Variants in EPB41L4A observed in about 807,000 individuals in gnomAD.
EPB41L4A encodes the protein erythrocyte membrane protein band 4.1 like 4A, also known as band 4.1-like protein 4A.
EPB41L4A carries 100 observed loss-of-function variants against 108.6 expected under a neutral mutation model. That is an observed-to-expected ratio of 0.92 (90% confidence interval 0.78 to 1.09). EPB41L4A has a LOEUF of 1.09. Ranked by LOEUF, EPB41L4A falls within the 50% of genes least tolerant of loss-of-function variation. The pLI, the probability that EPB41L4A is intolerant of heterozygous loss-of-function variation, is 0.00. For missense variants in EPB41L4A, 1,030 were observed against 842.7 expected (o/e 1.22, Z -2.75); for synonymous variants, 319 against 289.0 (o/e 1.10, Z -1.05).
intron 3 of EPB41L4A, among the ~76,000 whole-genome samples, chr5:112,277,311 C>T (rs558693306): frequency 6.6e-6 from 1 of 152,256 alleles, no homozygotes; most frequent in East Asian, 1.9e-4. Flanking sequence ...ATTCACCAAG[C>T]CCACGCATTT....
At chr5:112,404,213 T>C (rs989808294) in intron 1 of EPB41L4A, among the ~76,000 whole-genome samples, 1 of 152,264 alleles carries the variant, frequency 6.6e-6, no homozygotes, top group Non-Finnish European at 1.5e-5. Context: ...TATATAATAA[T>C]GGCAGCTAAC....
At chr5:112,229,211 T>C in intron 12 of EPB41L4A, among the ~76,000 whole-genome samples, 1 of 151,800 alleles carries the variant, frequency 6.6e-6, no homozygotes, top group Middle Eastern at 3.2e-3. Flanking sequence ...ATGTTTTGTG[T>C]TTTTTTTGAA....
At chr5:112,273,287 G>A (rs1382099466) in intron 4 of EPB41L4A, among the ~76,000 whole-genome samples, 2 of 152,232 alleles carry the variant, frequency 1.3e-5, no homozygotes, top group Middle Eastern at 3.4e-3. Context: ...TACACAAGCT[G>A]GTCTAAAACT....
intron 15 of EPB41L4A, among the ~76,000 whole-genome samples, chr5:112,197,926 T>A (rs569483892): frequency 6.6e-6 from 1 of 152,248 alleles, no homozygotes; most frequent in East Asian, 1.9e-4. Context: ...ATACAAACAA[T>A]TATGGTTATC....
chr5:112,222,482 C>T lies in EPB41L4A; in HGVS notation c.1087+12152G>A, dbSNP rs186409466. 2.6e-5 allele frequency among the ~76,000 whole-genome samples: 4 copies of T among 152,246 alleles called. No individual in the cohort carries two copies. The East Asian group carries it at 7.7e-4, about 29-fold the overall frequency. ...AAGGGTTATACCCAGTAATGTTATC[C>T]ACTGTTTTCATGCAAGGAAATCAGC... is the stretch of plus-strand genomic sequence containing the variant. On this transcript the variant is annotated intron_variant, in intron 12 of 22. Transcript: ENST00000261486.
rs1018160984 is a variant in EPB41L4A at position 112,193,146 on chromosome 5, G to A, written c.1502+1422C>T. Among the ~76,000 whole-genome samples, 2 of 152,162 alleles carry A rather than the reference G, an allele frequency of 1.3e-5. 1 individual carries two copies. Among genetic ancestry groups the A allele is most frequent in the South Asian group, 4.1e-4 (2 of 4,830 alleles). On this transcript the variant is annotated intron_variant, in intron 17 of 22. Transcript: ENST00000261486. Reference sequence around the variant, plus strand: ...ACATAGAATGCTTTCCTAAAAAAATGTCCACTCTTACAATGCTGTCTGGGC... The same window carrying A: ...ACATAGAATGCTTTCCTAAAAAAATATCCACTCTTACAATGCTGTCTGGGC...
At chr5:112,384,537 GC>G (rs1327057778) in intron 1 of EPB41L4A, among the ~76,000 whole-genome samples, 1 of 152,004 alleles carries the variant, frequency 6.6e-6, no homozygotes, top group Non-Finnish European at 1.5e-5. Context: ...AGAACTTTCT[GC>G]CGCAGCCAAA....
chr5:112,169,614 T>C (rs1211460787), intron 20 of EPB41L4A, among the ~76,000 whole-genome samples: 2 of 152,216 alleles, frequency 1.3e-5, no homozygotes, highest in African/African-American at 2.4e-5. Flanking sequence ...AATGTATACA[T>C]ATATCAAAAC....
intron 12 of EPB41L4A, among the ~76,000 whole-genome samples, chr5:112,227,767 G>C (rs982484163): frequency 2.0e-5 from 3 of 152,174 alleles, no homozygotes; most frequent in African/African-American, 7.2e-5. Context: ...CTATTGTTTT[G>C]ACATTGCTAT....
At chr5:112,322,464 C>T (rs1194665251) in intron 1 of EPB41L4A, among the ~76,000 whole-genome samples, 1 of 152,160 alleles carries the variant, frequency 6.6e-6, no homozygotes, top group Non-Finnish European at 1.5e-5. Context: ...AAAGGACCCA[C>T]CTGGGTAAAC....
rs756494807 is a variant in EPB41L4A, at chr5:112,265,016, G to A, written c.434C>T (p.Ser145Leu). ...AAQLGAYAIQ[S>L]ELGDYDPYKH... is the part of the protein sequence containing the mutation. Reference sequence around the variant, plus strand: ...ATATGGGTCATAATCTCCAAGCTCCGCTAAAAAAGAAAGATAACATAGTTT... The same window carrying A: ...ATATGGGTCATAATCTCCAAGCTCCACTAAAAAAGAAAGATAACATAGTTT... The change falls in exon 6 of 23, where the codon TCG (serine) becomes TTG (leucine). Residue 145 changes from serine to leucine, a missense_variant and splice_region_variant. Coordinates refer to ENST00000261486, the MANE Select transcript of EPB41L4A (RefSeq NM_022140.5). 54 of 1,553,628 alleles carry A rather than the reference G, an allele frequency of 3.5e-5. No individual in the cohort carries two copies. Among genetic ancestry groups the A allele is most frequent in the East Asian group, 2.3e-4 (10 of 42,694 alleles).
intron 13 of EPB41L4A, among the ~76,000 whole-genome samples, chr5:112,207,383 T>C (rs1392205879): frequency 6.6e-6 from 1 of 152,152 alleles, no homozygotes; most frequent in East Asian, 1.9e-4. Context: ...GAAGAATTTA[T>C]AACTAAGTCC....
chr5:112,353,499 A>C (rs1331985840), intron 1 of EPB41L4A, among the ~76,000 whole-genome samples: 1 of 151,790 alleles, frequency 6.6e-6, no homozygotes, highest in Admixed American at 6.6e-5. Flanking sequence ...TGAGCAGGCC[A>C]GTCCCCAGGC....
At chr5:112,215,083 G>C (rs1211233810) in intron 12 of EPB41L4A, among the ~76,000 whole-genome samples, 2 of 152,156 alleles carry the variant, frequency 1.3e-5, no homozygotes, top group East Asian at 1.9e-4. Context: ...TATTAGAAAG[G>C]ATGTATTTCT....
At chr5:112,194,910 G>A (rs543587624) in intron 16 of EPB41L4A, among the ~76,000 whole-genome samples, 3 of 152,216 alleles carry the variant, frequency 2.0e-5, no homozygotes, top group African/African-American at 4.8e-5. Flanking sequence ...AGAACGGACC[G>A]CAAAATCAAT....
rs748314987 is a variant in EPB41L4A at position 112,266,306 on chromosome 5, C to T, written c.360G>A (p.Lys120=). ...GCAGACGGCCCTGAAGGACATCTTG[C>T]TTCACCTGCAAGAAAAACTGATATC... ...ITRYQFFLQV[K]QDVLQGRLPC... The change falls in exon 5 of 23, where the codon AAG becomes AAA. Residue 120 remains lysine, a synonymous_variant. Coordinates refer to ENST00000261486, the MANE Select transcript of EPB41L4A (RefSeq NM_022140.5). 1 of 1,606,528 alleles carries T rather than the reference C, an allele frequency of 6.2e-7. No individual in the cohort carries two copies. Among genetic ancestry groups the T allele is most frequent in the African/African-American group, 1.3e-5 (1 of 74,804 alleles).
intron 18 of EPB41L4A, among the ~76,000 whole-genome samples, chr5:112,177,608 GT>G (rs879389420): frequency 2.0e-5 from 3 of 152,148 alleles, no homozygotes; most frequent in Non-Finnish European, 4.4e-5. Flanking sequence ...AAAACTCACT[GT>G]TTAAGCAAAG....
chr5:112,241,931 T>A (rs916833567), intron 9 of EPB41L4A, among the ~76,000 whole-genome samples: 2 of 152,138 alleles, frequency 1.3e-5, no homozygotes, highest in African/African-American at 4.8e-5. Flanking sequence ...CAGCATTAGG[T>A]CTTAAAAAAA....
chr5:112,179,463 C>A (rs1761037691), intron 18 of EPB41L4A, among the ~76,000 whole-genome samples: 1 of 151,942 alleles, frequency 6.6e-6, no homozygotes, highest in Admixed American at 6.6e-5. Context: ...CAGCTACATA[C>A]AAAAAGGAAA....
Sources: allele counts gnomAD v4.1 joint callset (sites outside exome capture counted in the v4.1 genomes callset), GRCh38; gene constraint gnomAD v4.1.1; transcripts MANE v1.5; gene names NCBI Gene and HGNC (gene_info 2026-07-23, HGNC 2026-07-21).